The following XRN1 variants were observed in gnomAD, a reference collection of about 807,000 sequenced individuals.
XRN1 encodes the protein strand-exchange protein 1 homolog.
XRN1 carries 67 observed loss-of-function variants against 222.3 expected under a neutral mutation model. The observed-to-expected ratio is 0.30, with a 90% CI of 0.25 to 0.37. XRN1 has a LOEUF of 0.37. XRN1 is among the 10% of genes least tolerant of loss of function. The pLI, the probability that XRN1 is intolerant of heterozygous loss-of-function variation, is 1.00. For missense variants in XRN1, 1,707 were observed against 2,000.2 expected (o/e 0.85, Z 2.80); for synonymous variants, 643 against 652.4 (o/e 0.99, Z 0.22).
intron 37 of XRN1, among the ~76,000 whole-genome samples, chr3:142,323,335 C>T (rs1235780155): frequency 6.6e-6 from 1 of 150,682 alleles, no homozygotes; most frequent in East Asian, 1.9e-4. Context: ...TCATGCGCCA[C>T]CATACCTGGC....
Position 142,418,997 on chromosome 3 carries a change from T to G in XRN1, c.1174-116A>C. 7 of 911,294 alleles carry G rather than the reference T, an allele frequency of 7.7e-6. No homozygotes were observed. In the South Asian group the frequency reaches 1.0e-4, roughly 13 times the overall value. 56.5% of individuals were successfully genotyped at this position (911,294 alleles called of 1,614,324 possible). A position where few individuals can be genotyped will look rare whatever the true frequency, so the allele number is the denominator to read the frequency against. Reference sequence around the variant, plus strand: ...TAGTTCTTCCATGTTATAACATCCTTCATATCCTGCCCATCTGTTTTTCCT... The same window carrying G: ...TAGTTCTTCCATGTTATAACATCCTGCATATCCTGCCCATCTGTTTTTCCT... On this transcript the variant is annotated intron_variant, in intron 10 of 40. Coordinates refer to ENST00000392981, the MANE Select transcript of XRN1 (RefSeq NM_001282857.2).
In XRN1 at chr3:142,391,796, T is replaced by C. The variant is rs1046343948; in HGVS notation, c.2339+5533A>G. Among the ~76,000 whole-genome samples, 3 of 149,578 alleles carry C rather than the reference T, an allele frequency of 2.0e-5. No individual in the cohort carries two copies. In the East Asian group the frequency reaches 5.8e-4, roughly 29 times the overall value. ...TATATGAATGAAATAAAATTTATTG[T>C]ATTTTCTTACTATCCTGCATGAAAG... On this transcript the variant is annotated intron_variant, in intron 20 of 40. Coordinates refer to ENST00000392981, the MANE Select transcript of XRN1 (RefSeq NM_001282857.2).
intron 20 of XRN1, among the ~76,000 whole-genome samples, chr3:142,384,931 T>A (rs1559837416): frequency 6.6e-6 from 1 of 152,160 alleles, no homozygotes; most frequent in Non-Finnish European, 1.5e-5. Flanking sequence ...AAACTCCTGT[T>A]CTCACATCCA....
intron 31 of XRN1, among the ~76,000 whole-genome samples, chr3:142,356,245 C>T (rs1371563870): frequency 6.6e-6 from 1 of 152,090 alleles, no homozygotes; most frequent in African/African-American, 2.4e-5. Flanking sequence ...AAGATTAAAA[C>T]TCTGGAAAAA....
intron 2 of XRN1, among the ~76,000 whole-genome samples, chr3:142,430,651 T>C (rs2069481979): frequency 6.6e-6 from 1 of 152,198 alleles, no homozygotes; most frequent in Non-Finnish European, 1.5e-5. Flanking sequence ...CCCACCTTCT[T>C]TGATGACTTC....
chr3:142,411,787 T>C (rs374956578), intron 15 of XRN1, among the ~76,000 whole-genome samples: 11 of 152,050 alleles, frequency 7.2e-5, no homozygotes, highest in African/African-American at 1.9e-4. Context: ...AGTAGGTTTA[T>C]AGCATTACTC....
At chr3:142,442,075 A>T (rs1372631194) in intron 1 of XRN1, among the ~76,000 whole-genome samples, 2 of 152,206 alleles carry the variant, frequency 1.3e-5, no homozygotes, top group African/African-American at 4.8e-5. Context: ...TGGCAAAACT[A>T]ATAGCCCTCA....
intron 20 of XRN1, among the ~76,000 whole-genome samples, chr3:142,393,597 G>T (rs570580958): frequency 2.0e-5 from 3 of 151,822 alleles, no homozygotes; most frequent in Non-Finnish European, 2.9e-5. Context: ...TTTCCCCATT[G>T]CTTGTTTTTC....
chr3:142,365,230 A>C, intron 28 of XRN1, 51 bp from the exon 29 acceptor site: 1 of 1,582,678 alleles, frequency 6.3e-7, no homozygotes, highest in South Asian at 1.2e-5. Context: ...TTTTCATACT[A>C]ATATACTGAA....
intron 20 of XRN1, among the ~76,000 whole-genome samples, chr3:142,390,974 A>T (rs2067690247): frequency 6.6e-6 from 1 of 152,230 alleles, no homozygotes; most frequent in Non-Finnish European, 1.5e-5. Context: ...CAGTCAGCAC[A>T]CACACAACAT....
At chr3:142,382,570 G>A (rs1392389052) in intron 22 of XRN1, among the ~76,000 whole-genome samples, 6 of 152,066 alleles carry the variant, frequency 3.9e-5, no homozygotes, top group Admixed American at 6.6e-5. Context: ...CTTACTTTCT[G>A]ACATAACAAG....
chr3:142,376,347 G>A (rs2067142034), intron 24 of XRN1, 132 bp downstream of exon 24: 1 of 807,364 alleles, frequency 1.2e-6, no homozygotes, highest in East Asian at 2.7e-5. Context: ...ATTACCATCA[G>A]AGAAATTTAT....
chr3:142,352,566 T>C (rs956810680), intron 32 of XRN1, among the ~76,000 whole-genome samples: 2 of 152,226 alleles, frequency 1.3e-5, no homozygotes, highest in African/African-American at 4.8e-5. Context: ...TCTCTGATAA[T>C]GCCACCATTA....
At chr3:142,407,330 AATTT>A (rs756813437) in intron 15 of XRN1, among the ~76,000 whole-genome samples, 13 of 151,976 alleles carry the variant, frequency 8.6e-5, no homozygotes, top group African/African-American at 1.9e-4. Flanking sequence ...TGACTTTTAA[AATTT>A]ATTTATTTAT....
intron 39 of XRN1, among the ~76,000 whole-genome samples, chr3:142,317,122 C>G (rs1051692115): frequency 1.3e-5 from 2 of 152,186 alleles, no homozygotes; most frequent in Non-Finnish European, 2.9e-5. Context: ...TTCTCTGAAT[C>G]TCTTAGGACC....
chr3:142,327,411 A>G (rs1247074186), intron 37 of XRN1, among the ~76,000 whole-genome samples: 1 of 151,922 alleles, frequency 6.6e-6, no homozygotes, highest in East Asian at 1.9e-4. Context: ...TAGTCTCTAA[A>G]ATATTTTGAA....
intron 37 of XRN1, among the ~76,000 whole-genome samples, chr3:142,324,233 C>T (rs1249893834): frequency 6.8e-6 from 1 of 146,548 alleles, no homozygotes. Context: ...TCTCCTAATG[C>T]TATCCCTCCC....
At chr3:142,411,630 A>G (rs533331217) in intron 15 of XRN1, among the ~76,000 whole-genome samples, 3 of 151,814 alleles carry the variant, frequency 2.0e-5, no homozygotes, top group Non-Finnish European at 4.4e-5. Context: ...GATGTATTGT[A>G]TTTTAATTAT....
At position 142,312,675 on chromosome 3, in the gene XRN1, G is replaced by T. The variant is rs984881861; in HGVS notation, c.4705C>A (p.His1569Asn). Residue 1569 changes from histidine to asparagine, a missense_variant, in exon 40 of 41, where the codon CAT becomes AAT. Physicochemically the swap from His to Asn is moderately conservative, Grantham distance 68 (BLOSUM62 1). Transcript: ENST00000392981. ...SVPVPGKPFH[H>N]TLYSGTMPMA... ...GGCATGGTCCCAGAATATAAAGTAT[G>T]ATGGAAGGGCTTCCCAGGAACTGGC... 2 of 1,613,880 alleles carry T rather than the reference G, an allele frequency of 1.2e-6. No individual in the cohort carries two copies. Among genetic ancestry groups the T allele is most frequent in the African/African-American group, 1.3e-5 (1 of 74,922 alleles).
Sources: allele counts gnomAD v4.1 joint callset (sites outside exome capture counted in the v4.1 genomes callset), GRCh38; gene constraint gnomAD v4.1.1; transcripts MANE v1.5; gene names NCBI Gene and HGNC (gene_info 2026-07-23, HGNC 2026-07-21).